GABBR2: variants seen among roughly 807,000 people sequenced by gnomAD.
GABBR2 encodes gamma-aminobutyric acid type B receptor subunit 2, also known as G-protein coupled receptor 51.
GABBR2 carries 23 observed loss-of-function variants against 105.6 expected under a neutral mutation model. The ratio of observed to expected loss-of-function variants is 0.22; its 90% CI spans 0.16 to 0.31. GABBR2 has a LOEUF of 0.31. Ranked by LOEUF, GABBR2 falls within the 10% of genes least tolerant of loss-of-function variation. GABBR2 has a pLI of 1.00. For missense variants in GABBR2, 734 were observed against 1,245.5 expected (o/e 0.59, Z 6.18); for synonymous variants, 478 against 499.7 (o/e 0.96, Z 0.58).
chr9:98,527,025 G>A (rs182440731), intron 3 of GABBR2, among the ~76,000 whole-genome samples: 116 of 150,272 alleles, frequency 7.7e-4, no homozygotes, highest in Middle Eastern at 3.5e-3. Context: ...TATAACTCTA[G>A]AACATCCAGT....
At chr9:98,312,908 C>T (rs1237681317) in intron 13 of GABBR2, among the ~76,000 whole-genome samples, 3 of 152,088 alleles carry the variant, frequency 2.0e-5, no homozygotes, top group African/African-American at 4.8e-5. Context: ...CGCCACCATG[C>T]CTGGCTAATT....
intron 1 of GABBR2, chr9:98,607,198 T>C (rs945371520): frequency 1.1e-5 from 17 of 1,591,900 alleles, no homozygotes; most frequent in African/African-American, 2.7e-5. Context: ...CAGTGGATAA[T>C]AGTAATTGCT....
In GABBR2 at chr9:98,607,657, C is replaced by G. The variant is rs1281763788; in HGVS notation, c.322-29585G>C. 3 of 736,788 alleles carry G rather than the reference C, an allele frequency of 4.1e-6. No homozygotes were observed. The Admixed American group carries it at 6.1e-5, about 15-fold the overall frequency. 45.6% of individuals were successfully genotyped at this position (736,788 alleles called of 1,614,324 possible). ...TATTGCTGAAGTTGAAAATGGTGAA[C>G]ACTGTGATTTTACAATTCTAAGAAA... On this transcript the variant is annotated intron_variant, in intron 1 of 18. Coordinates refer to ENST00000259455, the MANE Select transcript of GABBR2 (RefSeq NM_005458.8).
chr9:98,607,262 A>T (rs746257248), intron 1 of GABBR2: 176 of 1,163,546 alleles, frequency 1.5e-4, no homozygotes, highest in Non-Finnish European at 2.2e-4. Flanking sequence ...ACGTAAATGC[A>T]GAATCGCATG....
At position 98,373,851 on chromosome 9, in the gene GABBR2, CTTTTTTT is replaced by C. The variant is rs577915397; in HGVS notation, c.1663-2287_1663-2281del. ...TGTCACTCCAGTGTGCAAAGCATTCCTTTTTTTTTTTTTTTTTTTTTTTTGAGATGAG... is the reference window on the plus strand; with the variant it reads ...TGTCACTCCAGTGTGCAAAGCATTCCTTTTTTTTTTTTTTTTTGAGATGAG... On this transcript the variant is annotated intron_variant, in intron 11 of 18. Transcript: ENST00000259455. Among the ~76,000 whole-genome samples the C allele has an allele frequency of 8.8e-4, 76 of 86,700 alleles. 1 individual carries two copies. The highest frequency in any genetic ancestry group is 8.0e-4 in the Non-Finnish European group (38 of 47,228). 56.9% of individuals were successfully genotyped at this position (86,700 alleles called of 152,430 possible). A position where few individuals can be genotyped will look rare whatever the true frequency, so the allele number is the denominator to read the frequency against.
intron 1 of GABBR2, among the ~76,000 whole-genome samples, chr9:98,636,356 G>A (rs150043243): frequency 9.2e-5 from 14 of 152,296 alleles, no homozygotes; most frequent in African/African-American, 3.1e-4. Flanking sequence ...TCATTTCAGG[G>A]TGAGCGCACT....
chr9:98,701,704 C>T (rs1417628964), intron 1 of GABBR2, among the ~76,000 whole-genome samples: 7 of 152,062 alleles, frequency 4.6e-5, no homozygotes, highest in Admixed American at 3.3e-4. Context: ...ACTATGATAC[C>T]GGCAGAAGGA....
At chr9:98,329,506 T>C (rs1055943677) in intron 13 of GABBR2, among the ~76,000 whole-genome samples, 2 of 152,208 alleles carry the variant, frequency 1.3e-5, no homozygotes, top group African/African-American at 2.4e-5. Context: ...ACCCTTGGGC[T>C]GGAAGCTGCA....
intron 3 of GABBR2, among the ~76,000 whole-genome samples, chr9:98,510,366 C>T (rs917154658): frequency 7.2e-5 from 11 of 152,126 alleles, no homozygotes; most frequent in African/African-American, 1.4e-4. Flanking sequence ...CATCAACTAA[C>T]GAGCAAAATA....
rs113249686 is a variant in GABBR2 at position 98,380,127 on chromosome 9, C to T, written c.1662+5513G>A. Among the ~76,000 whole-genome samples the T allele has an allele frequency of 3.3e-3, 499 of 152,334 alleles. 1 individual carries two copies. The highest frequency in any genetic ancestry group is 0.011 in the African/African-American group (470 of 41,582). ...GTGACAGGGCTTCCGTTTTCTGCTCCGTCAGGTGGGGACAGTGAACTTGGC... is the reference window on the plus strand; with the variant it reads ...GTGACAGGGCTTCCGTTTTCTGCTCTGTCAGGTGGGGACAGTGAACTTGGC... On this transcript the variant is annotated intron_variant, in intron 11 of 18. Transcript: ENST00000259455.
chr9:98,621,692 A>G (rs551270790), intron 1 of GABBR2, among the ~76,000 whole-genome samples: 16 of 152,340 alleles, frequency 1.1e-4, no homozygotes, highest in African/African-American at 3.8e-4. Flanking sequence ...TTTCTGAATC[A>G]TAAACTGCAA....
At chr9:98,634,785 G>A (rs1190140851) in intron 1 of GABBR2, among the ~76,000 whole-genome samples, 1 of 152,166 alleles carries the variant, frequency 6.6e-6, no homozygotes, top group Non-Finnish European at 1.5e-5. Flanking sequence ...TTGGAGGAAG[G>A]AAAGCAACAA....
At chr9:98,380,147 C>G (rs1372814132) in intron 11 of GABBR2, among the ~76,000 whole-genome samples, 3 of 152,214 alleles carry the variant, frequency 2.0e-5, no homozygotes, top group African/African-American at 7.2e-5. Context: ...GGACAGTGAA[C>G]TTGGCCTTGT....
At chr9:98,513,832 T>C (rs1472350078) in intron 3 of GABBR2, among the ~76,000 whole-genome samples, 2 of 152,162 alleles carry the variant, frequency 1.3e-5, no homozygotes, top group Non-Finnish European at 2.9e-5. Context: ...GTTCAACCAT[T>C]GTGGAAGTCA....
intron 7 of GABBR2, among the ~76,000 whole-genome samples, chr9:98,426,932 GGTGGAGGTTGCA>G (rs1284767464): frequency 6.6e-6 from 1 of 152,188 alleles, no homozygotes; most frequent in Non-Finnish European, 1.5e-5. Flanking sequence ...GAGCCGGGGA[GGTGGAGGTTGCA>G]GTGAGCAGAG....
intron 11 of GABBR2, among the ~76,000 whole-genome samples, chr9:98,384,521 C>T (rs144343230): frequency 0.012 from 1,787 of 151,922 alleles, 14 homozygotes; most frequent in Non-Finnish European, 0.019. Context: ...ACCCAGGAGG[C>T]GGAGGTTGCA....
In GABBR2 at chr9:98,632,459, C is replaced by A. The variant is rs79209487; in HGVS notation, c.322-54387G>T. On this transcript the variant is annotated intron_variant, in intron 1 of 18. Transcript: ENST00000259455. The stretch of plus-strand genomic sequence containing the variant: ...CTCCCCTTGAGTGGTGGGTTCTGTG[C>A]CCCCTCCTCCTGGACCTGAGCAGAC... 5.6e-3 allele frequency among the ~76,000 whole-genome samples: 860 copies of A among 152,266 alleles called. 21 individuals are homozygous for A. The highest frequency in any genetic ancestry group is 0.056 in the East Asian group (289 of 5,180).
intron 13 of GABBR2, among the ~76,000 whole-genome samples, chr9:98,320,305 G>A (rs1328776852): frequency 4.7e-4 from 72 of 151,718 alleles, no homozygotes; most frequent in South Asian, 4.0e-3. Context: ...TTAGAATGGC[G>A]ATCATTAAAA....
At chr9:98,485,647 C>T (rs895354209) in intron 4 of GABBR2, among the ~76,000 whole-genome samples, 9 of 152,216 alleles carry the variant, frequency 5.9e-5, no homozygotes, top group African/African-American at 1.2e-4. Context: ...CAAGCCCTTT[C>T]TGAGCTGTTG....
Sources: gnomAD v4.1 joint callset for allele counts (sites outside exome capture counted in the v4.1 genomes callset) on GRCh38, gnomAD v4.1.1 for gene constraint, MANE v1.5 for transcripts, NCBI Gene and HGNC (gene_info 2026-07-23, HGNC 2026-07-21) for gene names.